Variants in LRRC4C observed in about 807,000 individuals in gnomAD.
The protein encoded by LRRC4C is leucine-rich repeat-containing protein 4C.
LRRC4C carries 5 observed loss-of-function variants against 33.6 expected under a neutral mutation model. The ratio of observed to expected loss-of-function variants is 0.15; its 90% CI spans 0.08 to 0.31. LRRC4C has a LOEUF of 0.31. Ranked by LOEUF, LRRC4C falls within the 10% of genes least tolerant of loss-of-function variation. The pLI is 1.00. For synonymous variants in LRRC4C, 329 were observed against 302.0 expected (o/e 1.09, Z -0.93); for missense variants, 560 against 796.7 (o/e 0.70, Z 3.58).
intron 1 of LRRC4C, among the ~76,000 whole-genome samples, chr11:41,310,231 T>C (rs1044400705): frequency 6.6e-6 from 1 of 152,258 alleles, no homozygotes. Flanking sequence ...CATCTCATCT[T>C]AAATATTCTT....
intron 3 of LRRC4C, among the ~76,000 whole-genome samples, chr11:40,585,546 C>T (rs61888376): frequency 0.24 from 33,734 of 142,990 alleles, 4,314 homozygotes; most frequent in Middle Eastern, 0.34. Flanking sequence ...TATGTATACA[C>T]GTGCCATGCT....
intron 4 of LRRC4C, among the ~76,000 whole-genome samples, chr11:40,253,809 A>G (rs2136199893): frequency 6.6e-6 from 1 of 152,314 alleles, no homozygotes; most frequent in African/African-American, 2.4e-5. Context: ...AAACAGAACA[A>G]CAGTGAGACA....
At chr11:41,079,476 G>C (rs1046609838) in intron 1 of LRRC4C, among the ~76,000 whole-genome samples, 2 of 152,104 alleles carry the variant, frequency 1.3e-5, no homozygotes, top group Non-Finnish European at 2.9e-5. Context: ...AAAATCTTTA[G>C]GACTATCTGC....
intron 1 of LRRC4C, among the ~76,000 whole-genome samples, chr11:41,428,286 T>C (rs1252799700): frequency 6.6e-6 from 1 of 152,132 alleles, no homozygotes; most frequent in Admixed American, 6.6e-5. Context: ...TGAGGTCAAC[T>C]CTGAGAATTA....
chr11:41,363,465 T>A (rs2137693122), intron 1 of LRRC4C, among the ~76,000 whole-genome samples: 1 of 152,290 alleles, frequency 6.6e-6, no homozygotes, highest in African/African-American at 2.4e-5. Context: ...CCTAAATTAC[T>A]TTTGATTCTG....
chr11:41,109,377 AT>A (rs1264285368), intron 1 of LRRC4C, among the ~76,000 whole-genome samples: 5 of 152,050 alleles, frequency 3.3e-5, no homozygotes, highest in African/African-American at 1.2e-4. Flanking sequence ...ATAATTATGA[AT>A]TTGAAGAAAT....
At chr11:40,815,365 G>C (rs1204662433) in intron 2 of LRRC4C, among the ~76,000 whole-genome samples, 1 of 152,190 alleles carries the variant, frequency 6.6e-6, no homozygotes, top group East Asian at 1.9e-4. Context: ...CAACATGTGG[G>C]GATTATGGGA....
At chr11:40,812,990 T>C (rs1438078390) in intron 2 of LRRC4C, among the ~76,000 whole-genome samples, 1 of 152,196 alleles carries the variant, frequency 6.6e-6, no homozygotes, top group Non-Finnish European at 1.5e-5. Context: ...CACATTAACA[T>C]CTTGAAATAC....
chr11:40,555,654 C>T (rs1032243354), intron 3 of LRRC4C, among the ~76,000 whole-genome samples: 5 of 152,060 alleles, frequency 3.3e-5, no homozygotes. Context: ...TTGTTTTGGA[C>T]CACACATAAA....
rs1022376810 is a variant in LRRC4C at position 40,823,344 on chromosome 11, A to T, written c.-407+110291T>A. 2.0e-5 allele frequency among the ~76,000 whole-genome samples: 3 copies of T among 151,756 alleles called. No homozygotes were observed. In the Middle Eastern group the frequency reaches 9.5e-3, roughly 480 times the overall value. ...AAAAAATAATGTTTGATTTCATAAA[A>T]ATTTGAAAACTCTGTGCTTCAGAAG... On this transcript the variant is annotated intron_variant, in intron 2 of 6. Coordinates refer to ENST00000528697, the MANE Select transcript of LRRC4C (RefSeq NM_001258419.2).
intron 2 of LRRC4C, among the ~76,000 whole-genome samples, chr11:40,786,260 T>C (rs969223293): frequency 2.0e-5 from 3 of 152,188 alleles, no homozygotes; most frequent in African/African-American, 7.2e-5. Flanking sequence ...TCCCCACCTT[T>C]TGACTTTCAG....
chr11:40,764,188 T>A (rs1949349232), intron 2 of LRRC4C, among the ~76,000 whole-genome samples: 1 of 152,112 alleles, frequency 6.6e-6, no homozygotes, highest in African/African-American at 2.4e-5. Flanking sequence ...AGCTCCTGAA[T>A]AACATTTCTA....
intron 1 of LRRC4C, among the ~76,000 whole-genome samples, chr11:41,306,244 A>G (rs1485553664): frequency 6.6e-6 from 1 of 152,170 alleles, no homozygotes; most frequent in African/African-American, 2.4e-5. Context: ...ACATACAACG[A>G]TTCTACCTTT....
intron 1 of LRRC4C, among the ~76,000 whole-genome samples, chr11:41,142,026 A>G (rs1220843079): frequency 6.6e-6 from 1 of 152,176 alleles, no homozygotes; most frequent in Non-Finnish European, 1.5e-5. Context: ...CACAAATTGT[A>G]GACTCCAAAT....
At chr11:40,326,696 T>C (rs958255788) in intron 3 of LRRC4C, among the ~76,000 whole-genome samples, 1 of 152,088 alleles carries the variant, frequency 6.6e-6, no homozygotes, top group Non-Finnish European at 1.5e-5. Context: ...TTGCTAGAAA[T>C]TGAAATCAGA....
chr11:41,185,022 A>G (rs1471243084), intron 1 of LRRC4C, among the ~76,000 whole-genome samples: 1 of 152,096 alleles, frequency 6.6e-6, no homozygotes, highest in Non-Finnish European at 1.5e-5. Context: ...TATCATGCGA[A>G]CAGCATGGGA....
intron 2 of LRRC4C, among the ~76,000 whole-genome samples, chr11:40,896,062 T>C (rs979883583): frequency 2.0e-5 from 3 of 152,186 alleles, no homozygotes; most frequent in African/African-American, 7.2e-5. Context: ...ACAGTTCATC[T>C]TTTGGATTCT....
intron 2 of LRRC4C, among the ~76,000 whole-genome samples, chr11:40,765,650 G>T (rs2137113724): frequency 6.6e-6 from 1 of 151,984 alleles, no homozygotes; most frequent in Non-Finnish European, 1.5e-5. Flanking sequence ...TAAAAATCAA[G>T]CTAAAATTCT....
At chr11:41,432,209 T>C (rs1463657933) in intron 1 of LRRC4C, among the ~76,000 whole-genome samples, 1 of 152,218 alleles carries the variant, frequency 6.6e-6, no homozygotes, top group Non-Finnish European at 1.5e-5. Context: ...GCTTCAGGAT[T>C]CTTGCTTTAC....
Sources: gnomAD v4.1 joint callset for allele counts (sites outside exome capture counted in the v4.1 genomes callset) on GRCh38, gnomAD v4.1.1 for gene constraint, MANE v1.5 for transcripts, NCBI Gene and HGNC (gene_info 2026-07-23, HGNC 2026-07-21) for gene names.